LRRC28: variants seen among roughly 807,000 people sequenced by gnomAD.
LRRC28 encodes leucine rich repeat containing 28, also known as leucine-rich repeat-containing protein 28.
Under a neutral mutation model 45.7 loss-of-function variants are expected in LRRC28, and 39 were observed. That is an observed-to-expected ratio of 0.85 (90% CI 0.66 to 1.12). The LOEUF is 1.12. Among genes scored for constraint, LRRC28 ranks in the 50% most tolerant of loss-of-function variants. LRRC28 has a pLI of 0.00. For synonymous variants in LRRC28, 206 were observed against 178.8 expected (o/e 1.15, Z -1.22); for missense variants, 435 against 438.5 (o/e 0.99, Z 0.07).
At chr15:99,327,557 T>C (rs1597354884) in intron 5 of LRRC28, among the ~76,000 whole-genome samples, 1 of 152,186 alleles carries the variant, frequency 6.6e-6, no homozygotes, top group East Asian at 1.9e-4. Flanking sequence ...TATTTCATCT[T>C]TTGTTCCTAG....
At chr15:99,263,187 G>A (rs980412943) in intron 2 of LRRC28, among the ~76,000 whole-genome samples, 3 of 150,054 alleles carry the variant, frequency 2.0e-5, no homozygotes, top group East Asian at 2.0e-4. Context: ...TTGTGGTGGC[G>A]TGTGCCTGTA....
chr15:99,272,712 A>T (rs924369414), intron 2 of LRRC28, among the ~76,000 whole-genome samples: 2 of 152,178 alleles, frequency 1.3e-5, no homozygotes, highest in Non-Finnish European at 2.9e-5. Flanking sequence ...TGTAAATGAG[A>T]TTTAATGAAG....
chr15:99,335,660 C>T (rs1431319948), intron 6 of LRRC28, among the ~76,000 whole-genome samples: 2 of 152,016 alleles, frequency 1.3e-5, no homozygotes, highest in Non-Finnish European at 2.9e-5. Context: ...ATACCAATAC[C>T]CTGTCTCTAA....
At chr15:99,352,769 A>G (rs1956926476) in intron 7 of LRRC28, among the ~76,000 whole-genome samples, 1 of 152,214 alleles carries the variant, frequency 6.6e-6, no homozygotes, top group Non-Finnish European at 1.5e-5. Flanking sequence ...GTAATTATTT[A>G]AATGGTACAC....
At chr15:99,378,661 A>T (rs914160849) in intron 9 of LRRC28, among the ~76,000 whole-genome samples, 6 of 152,156 alleles carry the variant, frequency 3.9e-5, no homozygotes, top group Non-Finnish European at 7.3e-5. Flanking sequence ...ATTCAGTATG[A>T]TATTGGCTGT....
chr15:99,255,810 C>A, intron 1 of LRRC28, 88 bp from the exon 2 acceptor site: 1 of 681,920 alleles, frequency 1.5e-6, no homozygotes, highest in Non-Finnish European at 2.3e-6. Context: ...TTTTCAGTGT[C>A]TTCAAGTGGC....
At chr15:99,310,320 G>C (rs1254164455) in intron 5 of LRRC28, among the ~76,000 whole-genome samples, 1 of 152,320 alleles carries the variant, frequency 6.6e-6, no homozygotes. Context: ...AATACATATA[G>C]AAGGAATGAT....
intron 6 of LRRC28, among the ~76,000 whole-genome samples, chr15:99,339,332 C>T (rs1241898027): frequency 1.3e-5 from 2 of 152,172 alleles, no homozygotes; most frequent in Admixed American, 6.5e-5. Flanking sequence ...GGAAATGCCA[C>T]GTCAGCCAAA....
chr15:99,270,034 TGGAG>T (rs955434949), intron 2 of LRRC28, among the ~76,000 whole-genome samples: 31 of 152,132 alleles, frequency 2.0e-4, no homozygotes, highest in Non-Finnish European at 3.4e-4. Flanking sequence ...TATATAAAAA[TGGAG>T]GGAAATACTG....
chr15:99,303,800 C>T (rs942037063), intron 5 of LRRC28, among the ~76,000 whole-genome samples: 2 of 151,508 alleles, frequency 1.3e-5, no homozygotes, highest in African/African-American at 4.9e-5. Flanking sequence ...CGCTATTGCA[C>T]TCCAGCCTGG....
chr15:99,276,635 AT>A lies in LRRC28; in HGVS notation c.209+25del. ...TGGAACTGTGAGTCTGTTTATTCAA[AT>A]TTTTTAAAGACAAGAATGAAAATAA... On this transcript the variant is annotated intron_variant, in intron 3 of 9. Coordinates refer to ENST00000301981, the MANE Select transcript of LRRC28 (RefSeq NM_144598.5). 6.7e-7 allele frequency: 1 copy of A among 1,501,382 alleles called. No individual in the cohort carries two copies. The highest frequency in any genetic ancestry group is 8.9e-7 in the Non-Finnish European group (1 of 1,125,216). 93.0% of individuals were successfully genotyped at this position (1,501,382 alleles called of 1,614,324 possible).
At chr15:99,342,750 C>T (rs1359122400) in intron 6 of LRRC28, among the ~76,000 whole-genome samples, 5 of 152,180 alleles carry the variant, frequency 3.3e-5, no homozygotes, top group Admixed American at 2.6e-4. Flanking sequence ...AGGAAGCCTG[C>T]AGTCATTCAA....
At chr15:99,288,740 C>T (rs187181692) in intron 5 of LRRC28, among the ~76,000 whole-genome samples, 8 of 151,920 alleles carry the variant, frequency 5.3e-5, no homozygotes, top group African/African-American at 1.2e-4. Context: ...AGTGCAGTGG[C>T]GTGATCTCGG....
intron 5 of LRRC28, among the ~76,000 whole-genome samples, chr15:99,323,025 A>G (rs1432884684): frequency 6.6e-6 from 1 of 152,194 alleles, no homozygotes; most frequent in Non-Finnish European, 1.5e-5. Flanking sequence ...GTAATTTCTC[A>G]CAATTTCTGG....
chr15:99,287,346 C>T (rs770220787), intron 4 of LRRC28, 52 bp downstream of exon 4: 1 of 1,316,040 alleles, frequency 7.6e-7, no homozygotes, highest in Non-Finnish European at 1.0e-6. Flanking sequence ...TTAAGCTTTG[C>T]TTTATAAATA....
intron 5 of LRRC28, among the ~76,000 whole-genome samples, chr15:99,291,695 A>T (rs1447050248): frequency 1.3e-5 from 2 of 152,198 alleles, no homozygotes; most frequent in African/African-American, 4.8e-5. Context: ...GTTGTCATTG[A>T]AAAGCCTTTG....
intron 7 of LRRC28, among the ~76,000 whole-genome samples, chr15:99,355,028 TAGAG>T (rs1259802280): frequency 6.6e-6 from 1 of 152,124 alleles, no homozygotes; most frequent in African/African-American, 2.4e-5. Context: ...AGAGGGAGAA[TAGAG>T]AGACAATGGG....
At chr15:99,287,334 A>C (rs776933005) in intron 4 of LRRC28, 40 bp downstream of exon 4, 3 of 1,416,196 alleles carry the variant, frequency 2.1e-6, no homozygotes, top group Non-Finnish European at 2.8e-6. Context: ...AGATAATATA[A>C]TTTAAGCTTT....
At chr15:99,293,763 T>C (rs551610411) in intron 5 of LRRC28, among the ~76,000 whole-genome samples, 1 of 152,062 alleles carries the variant, frequency 6.6e-6, no homozygotes, top group Non-Finnish European at 1.5e-5. Context: ...CTGAGATTAC[T>C]GGTGTGAGCC....
Sources: allele counts gnomAD v4.1 joint callset (sites outside exome capture counted in the v4.1 genomes callset), GRCh38; gene constraint gnomAD v4.1.1; transcripts MANE v1.5; gene names NCBI Gene and HGNC (gene_info 2026-07-23, HGNC 2026-07-21).